Variants in ARRDC2 observed in about 807,000 individuals in gnomAD.
The protein encoded by ARRDC2 is arrestin domain containing 2.
ARRDC2 carries 39 observed loss-of-function variants against 38.9 expected under a neutral mutation model. The observed-to-expected ratio is 1.00, with a 90% confidence interval of 0.78 to 1.31. The LOEUF is 1.31. ARRDC2 is among the 50% of genes most tolerant of loss of function. ARRDC2 has a pLI of 0.00. For missense variants in ARRDC2, 553 were observed against 588.4 expected (o/e 0.94, Z 0.62); for synonymous variants, 300 against 261.9 (o/e 1.15, Z -1.41).
At chr19:18,001,609 G>C in intron 1 of ARRDC2, 1 of 1,298,378 alleles carries the variant, frequency 7.7e-7, no homozygotes, top group Non-Finnish European at 9.8e-7. Flanking sequence ...GCAGCAGCCG[G>C]GACCCCCTCG....
chr19:18,009,454 C>G, intron 3 of ARRDC2, 138 bp from the exon 4 acceptor site: 1 of 765,754 alleles, frequency 1.3e-6, no homozygotes, highest in Non-Finnish European at 2.1e-6. Flanking sequence ...CTCTATTTAA[C>G]GGATAGTTCC....
intron 7 of ARRDC2, 28 bp downstream of exon 7, chr19:18,010,757 A>G (rs750322485): frequency 3.1e-6 from 5 of 1,607,094 alleles, no homozygotes; most frequent in African/African-American, 1.3e-5. Context: ...AGAACCACCC[A>G]TGCCTCTCTG....
chr19:18,010,797 C>T, intron 7 of ARRDC2, 68 bp downstream of exon 7: 1 of 1,530,300 alleles, frequency 6.5e-7, no homozygotes, highest in South Asian at 1.2e-5. Context: ...GGGTGGCAGA[C>T]ATAGTAGATG....
At chr19:18,006,148 C>T (rs1188178855), upstream of ARRDC2, among the ~76,000 whole-genome samples, 3 of 150,210 alleles carry the variant, frequency 2.0e-5, no homozygotes, top group Admixed American at 1.3e-4. Flanking sequence ...CCAGACTGGG[C>T]AGCCAGGCAG....
exon 1 of ARRDC2, chr19:18,001,408 C>G: frequency 8.2e-7 from 1 of 1,224,168 alleles, no homozygotes; most frequent in Non-Finnish European, 1.0e-6. Context: ...CGGCCGGGTG[C>G]TGCTGGAGGC....
upstream of ARRDC2, among the ~76,000 whole-genome samples, chr19:18,003,725 T>C (rs2033221684): frequency 1.3e-5 from 2 of 151,916 alleles, no homozygotes; most frequent in Admixed American, 6.6e-5. Context: ...CTGCAAGCTC[T>C]GCCTCCCGGG....
In ARRDC2 at chr19:18,009,976, G is replaced by A. The variant is rs374763460; in HGVS notation, c.786G>A (p.Arg262=). 18 of 1,602,966 alleles carry A rather than the reference G, an allele frequency of 1.1e-5. No individual in the cohort carries two copies. Among genetic ancestry groups the A allele is most frequent in the Non-Finnish European group, 1.4e-5 (17 of 1,179,732 alleles). The stretch of plus-strand genomic sequence containing the variant: ...CGCTGTGGCAGGGCCGGGCACTGCG[G>A]ATCCCCCCAGTGGGTCCTTCCATCC... ...QRALWQGRAL[R]IPPVGPSILH... is the part of the protein sequence containing the mutation. Residue 262 remains arginine (R), a synonymous_variant, in exon 5 of 8, where the codon CGG becomes CGA. Transcript: ENST00000222250.
rs763508178 is a variant in ARRDC2 at position 18,008,956 on chromosome 19, G to A, written c.342-15G>A. 1.2e-5 allele frequency: 19 copies of A among 1,612,618 alleles called. No homozygotes were observed. The highest frequency in any genetic ancestry group is 6.6e-5 in the South Asian group (6 of 91,058). On this transcript the variant is annotated splice_polypyrimidine_tract_variant and intron_variant, in intron 2 of 7. Transcript: ENST00000222250. Reference sequence around the variant, plus strand: ...TCTGTATCTTGTCCCCTGAAGTCCCGTCCCTCCACCCTAGGACCCTGGTGA... The same window carrying A: ...TCTGTATCTTGTCCCCTGAAGTCCCATCCCTCCACCCTAGGACCCTGGTGA...
At chr19:18,010,772 C>T (rs748777678) in intron 7 of ARRDC2, 43 bp downstream of exon 7, 11 of 1,593,374 alleles carry the variant, frequency 6.9e-6, no homozygotes, top group Non-Finnish European at 9.4e-6. Context: ...TCTCTGGGCC[C>T]TGGGAGCCTT....
rs2033333242 is a variant in ARRDC2 at position 18,008,562 on chromosome 19, C to T, written c.252C>T (p.His84=). The T allele has an allele frequency of 6.3e-7, 1 of 1,576,616 alleles. No individual in the cohort carries two copies. Among genetic ancestry groups the T allele is most frequent in the Non-Finnish European group, 8.6e-7 (1 of 1,169,036 alleles). The change falls in exon 1 of 8, where the codon CAC becomes CAT. Residue 84 remains histidine, a synonymous_variant. Coordinates refer to ENST00000222250, the MANE Select transcript of ARRDC2 (RefSeq NM_015683.2). ...GTGAACGCGTGGAGGTCGTGAGCCA[C>T]CGCGCCACGCTCCTGGCGCCAGGTA... ...SYSERVEVVS[H]RATLLAPDTG... is the part of the protein sequence containing the mutation.
chr19:18,003,077 G>A (rs1191104416), intron 1 of ARRDC2, among the ~76,000 whole-genome samples: 1 of 152,076 alleles, frequency 6.6e-6, no homozygotes, highest in Non-Finnish European at 1.5e-5. Flanking sequence ...TCCAGCCTGG[G>A]CAACAGAGCG....
intron 1 of ARRDC2, among the ~76,000 whole-genome samples, chr19:18,002,690 G>A (rs529905165): frequency 1.3e-5 from 2 of 152,192 alleles, no homozygotes; most frequent in Non-Finnish European, 2.9e-5. Flanking sequence ...AAGCAAGTGC[G>A]GTGGGGCAGG....
At position 18,008,408 on chromosome 19, in the gene ARRDC2, G is replaced by C; in HGVS notation, c.98G>C (p.Arg33Pro). ...VFSGGQAVAGRVLLELSSAAR... is the reference protein window; with the variant it reads ...VFSGGQAVAGPVLLELSSAAR... ...AGCGGCGGCCAGGCCGTGGCGGGCC[G>C]GGTGCTGCTGGAGCTGTCAAGCGCC... Residue 33 changes from arginine (R) to proline (P), a missense_variant, in exon 1 of 8, where the codon CGG (arginine) becomes CCG (proline). Physicochemically the swap from Arg to Pro is moderately radical, Grantham distance 103 (BLOSUM62 -2). This residue lies in a region of ARRDC2 where 447 missense variants were observed against 456.6 expected (regional missense o/e 0.98). Coordinates refer to ENST00000222250, the MANE Select transcript of ARRDC2 (RefSeq NM_015683.2). 1 of 1,594,394 alleles carries C rather than the reference G, an allele frequency of 6.3e-7. No homozygotes were observed. The highest frequency in any genetic ancestry group is 8.5e-7 in the Non-Finnish European group (1 of 1,177,992).
rs1218346159 is a variant in ARRDC2 at position 18,008,534 on chromosome 19, A to G, written c.224A>G (p.Tyr75Cys). 5.1e-6 allele frequency: 8 copies of G among 1,554,584 alleles called. No homozygotes were observed. The South Asian group carries it at 6.9e-5, about 13-fold the overall frequency. The change falls in exon 1 of 8, where the codon TAC becomes TGC. Residue 75 changes from tyrosine (Y) to cysteine (C), a missense_variant. Coordinates refer to ENST00000222250, the MANE Select transcript of ARRDC2 (RefSeq NM_015683.2). ...AGSSTAYTQSYSERVEVVSHR... is the reference protein window; with the variant it reads ...AGSSTAYTQSCSERVEVVSHR... ...TCGAGCACGGCTTACACGCAGAGCT[A>G]CAGTGAACGCGTGGAGGTCGTGAGC...
chr19:18,006,146 G>T (rs1479997921), upstream of ARRDC2, among the ~76,000 whole-genome samples: 3 of 151,112 alleles, frequency 2.0e-5, no homozygotes, highest in Non-Finnish European at 4.4e-5. Flanking sequence ...TTCCAGACTG[G>T]GCAGCCAGGC....
intron 6 of ARRDC2, 60 bp downstream of exon 6, chr19:18,010,418 G>C: frequency 6.4e-7 from 1 of 1,573,722 alleles, no homozygotes; most frequent in South Asian, 1.1e-5. Flanking sequence ...GGTGGATGCC[G>C]GGTCAACTCT....
In ARRDC2 at chr19:18,008,289, G is replaced by GT; in HGVS notation, c.-21dup. 6.3e-7 allele frequency: 1 copy of GT among 1,587,776 alleles called. No homozygotes were observed. The highest frequency in any genetic ancestry group is 8.5e-7 in the Non-Finnish European group (1 of 1,175,660). On this transcript the variant is annotated 5_prime_UTR_variant, in exon 1 of 8. Coordinates refer to ENST00000222250, the MANE Select transcript of ARRDC2 (RefSeq NM_015683.2). ...AGTTCGAGGCCAGGTTCCGCCTGTC[G>GT]TGGGTTCGCACCCCGGACGCGATGC... is the stretch of plus-strand genomic sequence containing the variant.
upstream of ARRDC2, among the ~76,000 whole-genome samples, chr19:18,006,253 C>A (rs2033275685): frequency 1.3e-5 from 2 of 152,086 alleles, no homozygotes; most frequent in Admixed American, 6.5e-5. Context: ...GCAATCTCGG[C>A]ACTTTGGGAG....
chr19:18,008,220 C>G lies in ARRDC2; in HGVS notation c.-91C>G. 2 of 1,358,990 alleles carry G rather than the reference C, an allele frequency of 1.5e-6. No homozygotes were observed. The highest frequency in any genetic ancestry group is 1.9e-6 in the Non-Finnish European group (2 of 1,044,872). 84.2% of individuals were successfully genotyped at this position (1,358,990 alleles called of 1,614,324 possible). A position where few individuals can be genotyped will look rare whatever the true frequency, so the allele number is the denominator to read the frequency against. On this transcript the variant is annotated 5_prime_UTR_variant, in exon 1 of 8. Transcript: ENST00000222250. ...CGCCTGCGCGTTGACGGCGATTTTGCGTTCTGAGGCTGCAGCGTCGGCATC... is the reference window on the plus strand; with the variant it reads ...CGCCTGCGCGTTGACGGCGATTTTGGGTTCTGAGGCTGCAGCGTCGGCATC...
Sources: gnomAD v4.1 joint callset for allele counts (sites outside exome capture counted in the v4.1 genomes callset) on GRCh38, gnomAD v4.1.1 for gene constraint, gnomAD v4.1.1 regional missense constraint, MANE v1.5 for transcripts, NCBI Gene and HGNC (gene_info 2026-07-23, HGNC 2026-07-21) for gene names.